The following IRAK1 variants were observed in gnomAD, a reference collection of about 807,000 sequenced individuals.
IRAK1 encodes the protein interleukin-1 receptor-associated kinase 1.
Under a neutral mutation model 49.8 loss-of-function variants are expected in IRAK1, and 9 were observed. That is an observed-to-expected ratio of 0.18 (90% CI 0.11 to 0.32). The LOEUF is 0.32. IRAK1 is among the 10% of genes least tolerant of loss of function. The pLI is 1.00. For missense variants in IRAK1, 418 were observed against 600.5 expected, an observed-to-expected ratio of 0.70 and a Z score of 3.18; for synonymous variants, 282 against 270.8, an observed-to-expected ratio of 1.04 and a Z score of -0.41.
At chrX:154,012,986 G>A in intron 12 of IRAK1, 57 bp downstream of exon 12, 2 of 1,173,432 alleles carry the variant, frequency 1.7e-6, no homozygotes, top group Non-Finnish European at 2.3e-6. Context: ...GGACTTACAG[G>A]GGCTTTGGCC....
intron 12 of IRAK1, 31 bp downstream of exon 12, chrX:154,013,012 C>T: frequency 1.7e-6 from 2 of 1,197,850 alleles, no homozygotes; most frequent in South Asian, 3.6e-5. Context: ...AGGCCTTGGT[C>T]CCTCTCCTGG....
At position 154,010,980 on chromosome X, in the gene IRAK1, T is replaced by C. The variant is rs1557127251; in HGVS notation, c.*879A>G. The C allele has an allele frequency of 5.9e-6, 2 of 341,189 alleles. No individual in the cohort carries two copies. The highest frequency in any genetic ancestry group is 2.6e-5 in the African/African-American group (1 of 37,806). 28.1% of individuals were successfully genotyped at this position (341,189 alleles called of 1,213,427 possible). ...GGTCCCCAGTAAAGCCTGAAGACAC[T>C]GGCCCGAGGTTGGAGGTGGGTGCTG... is the stretch of plus-strand genomic sequence containing the variant. On this transcript the variant is annotated 3_prime_UTR_variant, in exon 14 of 14. Coordinates refer to ENST00000369980, the MANE Select transcript of IRAK1 (RefSeq NM_001569.4).
chrX:154,014,386 AAAAAAAAG>A, intron 10 of IRAK1, 108 bp from the exon 11 acceptor site: 1 of 742,237 alleles, frequency 1.3e-6, no homozygotes, highest in Non-Finnish European at 2.0e-6. Flanking sequence ...AAAAAAAAAA[AAAAAAAAG>A]AGATGGGGTC....
chrX:154,011,751 G>A lies in IRAK1; in HGVS notation c.*108C>T. The A allele has an allele frequency of 1.2e-6, 1 of 814,360 alleles. No homozygotes were observed. The highest frequency in any genetic ancestry group is 1.9e-6 in the Non-Finnish European group (1 of 533,939). The allele number at this position is 814,360 out of a possible 1,213,427, so 67.1% of individuals were successfully genotyped here. A position where few individuals can be genotyped will look rare whatever the true frequency, so the allele number is the denominator to read the frequency against. Reference sequence around the variant, plus strand: ...CTCCTTCTCTCCCCCGCGGGCATGGGCCCCCACCCCCACTGCCGGCAGAGT... The same window carrying A: ...CTCCTTCTCTCCCCCGCGGGCATGGACCCCCACCCCCACTGCCGGCAGAGT... On this transcript the variant is annotated 3_prime_UTR_variant, in exon 14 of 14. Coordinates refer to ENST00000369980, the MANE Select transcript of IRAK1 (RefSeq NM_001569.4).
intron 9 of IRAK1, among the ~76,000 whole-genome samples, 165 bp downstream of exon 9, chrX:154,016,272 A>G (rs1411337340): frequency 8.9e-6 from 1 of 112,932 alleles, no homozygotes; most frequent in Non-Finnish European, 1.9e-5. Flanking sequence ...ACACACAGTT[A>G]GGTGCAGGGT....
intron 8 of IRAK1, 97 bp downstream of exon 8, chrX:154,016,850 GTT>G (rs1165965012): frequency 2.0e-5 from 14 of 693,331 alleles, no homozygotes; most frequent in African/African-American, 1.9e-4. Context: ...ATGCCGGGGT[GTT>G]GAGGTCCCAG....
At chrX:154,012,311 G>A (rs782583451) in intron 13 of IRAK1, among the ~76,000 whole-genome samples, 2 of 112,794 alleles carry the variant, frequency 1.8e-5, no homozygotes, top group East Asian at 2.8e-4. Context: ...AGGCACCCTC[G>A]GGCTAAAGGA....
rs782780153 is a variant in IRAK1, at chrX:154,013,174, C to T, written c.1799G>A (p.Arg600His). 1,355 of 1,208,587 alleles carry T rather than the reference C, an allele frequency of 1.1e-3. 21 individuals are homozygous for T. The South Asian group carries it at 0.021, about 19-fold the overall frequency. The change falls in exon 12 of 14, where the codon CGC becomes CAC. Residue 600 changes from arginine (R) to histidine (H), a missense_variant. By Grantham distance (29) the Arg-to-His change is conservative. This residue lies in a region of IRAK1 where 377 missense variants were observed against 499.5 expected (regional missense o/e 0.75). Transcript: ENST00000369980. ...ESLGGLSAAL[R>H]SWHLTPSCPL... ...GCAGCTTGGAGTCAAGTGCCAGGAG[C>T]GCAGGGCAGCAGAGAGGCCGCCTAG...
Position 154,019,177 on chromosome X carries a change from TA to T in IRAK1, c.436+19del, listed in dbSNP as rs1247141729. The T allele has an allele frequency of 8.3e-7, 1 of 1,209,070 alleles. No individual in the cohort carries two copies. Among genetic ancestry groups the T allele is most frequent in the African/African-American group, 1.8e-5 (1 of 57,095 alleles). On this transcript the variant is annotated intron_variant, in intron 3 of 13. Coordinates refer to ENST00000369980, the MANE Select transcript of IRAK1 (RefSeq NM_001569.4). The stretch of plus-strand genomic sequence containing the variant: ...GGCTCTTCTTTGGGTCCACCGAGCC[TA>T]ACAACCGGGCCCTCTTACCTGGGGA...
Position 154,013,054 on chromosome X carries a change from G to A in IRAK1, c.1919C>T (p.Thr640Ile), listed in dbSNP as rs147689284. The A allele has an allele frequency of 3.6e-5, 43 of 1,208,536 alleles. No individual in the cohort carries two copies. Among genetic ancestry groups the A allele is most frequent in the Non-Finnish European group, 4.7e-5 (42 of 895,125 alleles). ...GTCTCCCCAGCTACCTTCCACGGCTGTGGGCCGGGATCCTGGGCCACTCCC... is the reference window on the plus strand; with the variant it reads ...GTCTCCCCAGCTACCTTCCACGGCTATGGGCCGGGATCCTGGGCCACTCCC... ...SWGSGPGSRP[T>I]AVEGLALGSS... Residue 640 changes from threonine (T) to isoleucine (I), a missense_variant, in exon 12 of 14, where the codon ACA becomes ATA. Thr to Ile is a moderately conservative substitution (Grantham distance 89, BLOSUM62 -1). Around this residue, in one of 3 missense-constraint regions of IRAK1, gnomAD observed 377 missense variants for 499.5 expected, o/e 0.75. Coordinates refer to ENST00000369980, the MANE Select transcript of IRAK1 (RefSeq NM_001569.4).
chrX:154,013,609 G>A (rs2065717560), intron 11 of IRAK1, among the ~76,000 whole-genome samples, 176 bp from the exon 12 acceptor site: 1 of 113,160 alleles, frequency 8.8e-6, no homozygotes, highest in Non-Finnish European at 1.9e-5. Context: ...CACAGGGAGT[G>A]CTGAGAAGCG....
intron 13 of IRAK1, 128 bp downstream of exon 13, chrX:154,012,401 G>T: frequency 1.3e-6 from 1 of 749,844 alleles, no homozygotes; most frequent in Non-Finnish European, 1.9e-6. Flanking sequence ...TGGGCTTCTA[G>T]AGGTCGCCAG....
At chrX:154,018,545 T>C in intron 5 of IRAK1, 54 bp downstream of exon 5, 1 of 1,008,227 alleles carries the variant, frequency 9.9e-7, no homozygotes, top group African/African-American at 1.9e-5. Flanking sequence ...GCTGGAGAAG[T>C]GGTGAGGGTT....
At chrX:154,012,076 C>T (rs2065702987) in intron 13 of IRAK1, among the ~76,000 whole-genome samples, 159 bp from the exon 14 acceptor site, 1 of 112,550 alleles carries the variant, frequency 8.9e-6, no homozygotes, top group Non-Finnish European at 1.9e-5. Flanking sequence ...GAGACAGGGT[C>T]TAACTGTCTC....
rs1557130889 is a variant in IRAK1 at position 154,019,548 on chromosome X, C to T, written c.187G>A (p.Gly63Arg). 4.3e-6 allele frequency: 5 copies of T among 1,170,401 alleles called. No individual in the cohort carries two copies. In the South Asian group the frequency reaches 9.3e-5, roughly 22 times the overall value. The change falls in exon 2 of 14, where the codon GGG becomes AGG. Residue 63 changes from glycine to arginine, a missense_variant. Transcript: ENST00000369980. The part of the protein sequence containing the change: ...QTELRLCERS[G>R]QRTASVLWPW... ...CACAGGACGCTGGCCGTGCGCTGCCCGGAGCGCTCGCACAGCCGCAGCTCG... is the reference window on the plus strand; with the variant it reads ...CACAGGACGCTGGCCGTGCGCTGCCTGGAGCGCTCGCACAGCCGCAGCTCG...
In IRAK1 at chrX:154,015,785, C is replaced by T. The variant is rs1603304173; in HGVS notation, c.1302+247G>A. Among the ~76,000 whole-genome samples the T allele has an allele frequency of 2.7e-5, 3 of 112,571 alleles. No homozygotes were observed. In the Admixed American group the frequency reaches 2.8e-4, roughly 10 times the overall value. ...AGCTTGGGTCTCAGTGCCCTGGGAC[C>T]GCCCTTCCCCCTGCCCCCAGCCCAG... On this transcript the variant is annotated intron_variant, in intron 10 of 13. Coordinates refer to ENST00000369980, the MANE Select transcript of IRAK1 (RefSeq NM_001569.4).
intron 10 of IRAK1, among the ~76,000 whole-genome samples, chrX:154,015,685 C>A (rs1238526764): frequency 1.8e-5 from 2 of 111,652 alleles, no homozygotes; most frequent in Non-Finnish European, 3.8e-5. Context: ...CCTGCTGGGG[C>A]CCAGGAGGTT....
intron 8 of IRAK1, 47 bp from the exon 9 acceptor site, chrX:154,016,691 C>A (rs782100171): frequency 2.8e-6 from 3 of 1,065,665 alleles, no homozygotes; most frequent in South Asian, 3.9e-5. Flanking sequence ...AGCTCCTACA[C>A]CTGCCCGGCT....
intron 7 of IRAK1, among the ~76,000 whole-genome samples, chrX:154,017,648 T>C (rs995783562): frequency 9.2e-6 from 1 of 108,249 alleles, no homozygotes; most frequent in African/African-American, 3.4e-5. Context: ...ATACAAAAAT[T>C]AGGCAGGTGT....
Sources: allele counts gnomAD v4.1 joint callset (sites outside exome capture counted in the v4.1 genomes callset), GRCh38; gene constraint gnomAD v4.1.1; regional missense constraint gnomAD v4.1.1; transcripts MANE v1.5; gene names NCBI Gene and HGNC (gene_info 2026-07-23, HGNC 2026-07-21).